The following USPL1 variants were observed in gnomAD, a reference collection of about 807,000 sequenced individuals.
USPL1 encodes the protein ubiquitin specific peptidase like 1.
In USPL1, 27 loss-of-function variants were observed where a neutral mutation model predicts 51.5. The ratio of observed to expected loss-of-function variants is 0.52; its 90% CI spans 0.39 to 0.72. USPL1 has a LOEUF of 0.72. Among genes scored for constraint, USPL1 ranks in the 30% least tolerant of loss-of-function variants. The pLI, the probability that USPL1 is intolerant of heterozygous loss-of-function variation, is 0.00. For missense variants in USPL1, 1,226 were observed against 1,268.0 expected (o/e 0.97, Z 0.50); for synonymous variants, 451 against 459.6 (o/e 0.98, Z 0.24).
In USPL1 at chr13:30,657,898, G is replaced by T; in HGVS notation, c.1821G>T (p.Leu607=). ...CACAGTTAAATTCTGAAGCTTTCCT[G>T]TTAGAAAATAAACCTGTAGCAGAAA... ...SVSQLNSEAF[L]LENKPVAENT... Residue 607 remains leucine (L), a synonymous_variant, in exon 9 of 9, where the codon CTG becomes CTT. Coordinates refer to ENST00000255304, the MANE Select transcript of USPL1 (RefSeq NM_005800.5). 6.2e-7 allele frequency: 1 copy of T among 1,613,964 alleles called. No homozygotes were observed. The highest frequency in any genetic ancestry group is 8.5e-7 in the Non-Finnish European group (1 of 1,180,010).
chr13:30,631,700 A>G (rs1221557319), intron 4 of USPL1, among the ~76,000 whole-genome samples: 1 of 152,172 alleles, frequency 6.6e-6, no homozygotes, highest in African/African-American at 2.4e-5. Context: ...TGTCTTGCCC[A>G]GGCTGGACTC....
chr13:30,620,963 A>G, intron 1 of USPL1, 110 bp from the exon 2 acceptor site: 1 of 521,570 alleles, frequency 1.9e-6, no homozygotes. Context: ...TTATTCTAGG[A>G]CATATAGCCC....
At chr13:30,622,589 C>T (rs574889380) in intron 3 of USPL1, among the ~76,000 whole-genome samples, 25 of 152,304 alleles carry the variant, frequency 1.6e-4, no homozygotes, top group African/African-American at 5.8e-4. Flanking sequence ...AGTGGCAGAG[C>T]TGTGGTTGGA....
chr13:30,648,386 G>A (rs1951045240), intron 7 of USPL1, among the ~76,000 whole-genome samples: 2 of 151,786 alleles, frequency 1.3e-5, no homozygotes, highest in African/African-American at 4.8e-5. Context: ...ACTCTTTGCT[G>A]CAGTCTGCGC....
Position 30,658,300 on chromosome 13 carries a change from A to G in USPL1, c.2223A>G (p.Ser741=), listed in dbSNP as rs17853510. The G allele has an allele frequency of 1.2e-6, 2 of 1,613,954 alleles. No homozygotes were observed. Among genetic ancestry groups the G allele is most frequent in the East Asian group, 2.2e-5 (1 of 44,886 alleles). The change falls in exon 9 of 9, where the codon TCA becomes TCG. Residue 741 remains serine (S), a synonymous_variant. Coordinates refer to ENST00000255304, the MANE Select transcript of USPL1 (RefSeq NM_005800.5). ...ATTCTCAAACCACAACATCTAAGTC[A>G]TTACAGAATCAGTCTCTGAAAGAAA... ...TADSQTTTSK[S]LQNQSLKENQ... is the part of the protein sequence containing the mutation.
chr13:30,639,072 C>T (rs1345585663), intron 5 of USPL1, among the ~76,000 whole-genome samples: 7 of 151,566 alleles, frequency 4.6e-5, no homozygotes, highest in South Asian at 2.1e-4. Context: ...AAAAATTAGC[C>T]GGGCGTGGTA....
intron 8 of USPL1, 143 bp from the exon 9 acceptor site, chr13:30,657,331 A>G (rs147324282): frequency 1.3e-5 from 11 of 837,204 alleles, no homozygotes; most frequent in Non-Finnish European, 1.8e-5. Context: ...ATGGCAGACA[A>G]TGGTGACAAG....
intron 5 of USPL1, 61 bp downstream of exon 5, chr13:30,637,918 C>T: frequency 2.5e-6 from 3 of 1,221,890 alleles, no homozygotes; most frequent in Non-Finnish European, 3.6e-6. Flanking sequence ...ATATGTACCT[C>T]ATAAGGAAAT....
rs371353807 is a variant in USPL1 at position 30,618,551 on chromosome 13, G to A, written c.-69+495G>A. Among the ~76,000 whole-genome samples the A allele has an allele frequency of 1.2e-4, 19 of 152,162 alleles. No homozygotes were observed. In the South Asian group the frequency reaches 1.5e-3, roughly 12 times the overall value. On this transcript the variant is annotated intron_variant, in intron 1 of 8. Coordinates refer to ENST00000255304, the MANE Select transcript of USPL1 (RefSeq NM_005800.5). ...TTTAAGGCCCCCTCTTCGAACAGCT[G>A]TTTCCCTGGGTTTCTCCATTTTGCA...
At chr13:30,641,366 C>T (rs977791913) in intron 5 of USPL1, among the ~76,000 whole-genome samples, 1 of 151,840 alleles carries the variant, frequency 6.6e-6, no homozygotes, top group Admixed American at 6.6e-5. Flanking sequence ...GGAAGTGAGG[C>T]TCTGTCCAGG....
At chr13:30,621,418 A>G (rs1220600648) in intron 2 of USPL1, among the ~76,000 whole-genome samples, 179 bp downstream of exon 2, 1 of 152,178 alleles carries the variant, frequency 6.6e-6, no homozygotes, top group Non-Finnish European at 1.5e-5. Flanking sequence ...TTATTGATAC[A>G]TGAAAGTGGA....
At position 30,622,150 on chromosome 13, in the gene USPL1, A is replaced by G. The variant is rs1447081317; in HGVS notation, c.228+258A>G. On this transcript the variant is annotated intron_variant, in intron 3 of 8. Transcript: ENST00000255304. ...TTCAAGGTTTTTTTCTTTTTTTTTAACCTTTTGGAGGTCCTTGTTAGCTAT... is the reference window on the plus strand; with the variant it reads ...TTCAAGGTTTTTTTCTTTTTTTTTAGCCTTTTGGAGGTCCTTGTTAGCTAT... Among the ~76,000 whole-genome samples, 4 of 151,502 alleles carry G rather than the reference A, an allele frequency of 2.6e-5. No individual in the cohort carries two copies. In the East Asian group the frequency reaches 7.8e-4, roughly 29 times the overall value.
rs2137735667 is a variant in USPL1 at position 30,658,720 on chromosome 13, G to A, written c.2643G>A (p.Val881=). 7 of 1,614,210 alleles carry A rather than the reference G, an allele frequency of 4.3e-6. No homozygotes were observed. The highest frequency in any genetic ancestry group is 5.9e-6 in the Non-Finnish European group (7 of 1,180,040). Residue 881 remains valine (V), a synonymous_variant, in exon 9 of 9, where the codon GTG becomes GTA. Transcript: ENST00000255304. ...GISSANHEDL[V]EGQIHKLRLK... ...CTTCAGCAAACCATGAAGACTTGGTGGAAGGTCAGATTCATAAACTTCGTC... is the reference window on the plus strand; with the variant it reads ...CTTCAGCAAACCATGAAGACTTGGTAGAAGGTCAGATTCATAAACTTCGTC...
At chr13:30,631,574 C>G in intron 4 of USPL1, 100 bp downstream of exon 4, 3 of 1,207,858 alleles carry the variant, frequency 2.5e-6, no homozygotes, top group Non-Finnish European at 3.4e-6. Context: ...GATCATGTCT[C>G]CTTGCAGCCT....
chr13:30,658,843 G>A lies in USPL1; in HGVS notation c.2766G>A (p.Gln922=), dbSNP rs1380310175. The change falls in exon 9 of 9, where the codon CAG becomes CAA. Residue 922 remains glutamine, a synonymous_variant. Coordinates refer to ENST00000255304, the MANE Select transcript of USPL1 (RefSeq NM_005800.5). ...SRTVRSENLE[Q]VPQDGSPNDC... is the part of the protein sequence containing the mutation. Reference sequence around the variant, plus strand: ...CAGTTCGAAGTGAAAATCTAGAACAGGTGCCCCAGGATGGGTCTCCAAATG... The same window carrying A: ...CAGTTCGAAGTGAAAATCTAGAACAAGTGCCCCAGGATGGGTCTCCAAATG... The A allele has an allele frequency of 6.2e-7, 1 of 1,613,948 alleles. No individual in the cohort carries two copies. The highest frequency in any genetic ancestry group is 8.5e-7 in the Non-Finnish European group (1 of 1,180,040).
chr13:30,629,230 A>G (rs1040077407), intron 3 of USPL1, among the ~76,000 whole-genome samples: 4 of 152,172 alleles, frequency 2.6e-5, no homozygotes, highest in African/African-American at 4.8e-5. Context: ...GTGGCTGGGC[A>G]TGGTGGCTCA....
Position 30,621,224 on chromosome 13 carries a change from G to C in USPL1, c.84G>C (p.Val28=), listed in dbSNP as rs1283661438. The change falls in exon 2 of 9, where the codon GTG becomes GTC. Residue 28 remains valine (V), a synonymous_variant. Transcript: ENST00000255304. ...TDIGISSLHM[V]GYLGKNFDSA... ...TAGGGATATCTTCACTCCACATGGT[G>C]GGGTATTTGGGAAAAGTTAGTGAAC... The C allele has an allele frequency of 6.3e-7, 1 of 1,589,244 alleles. No homozygotes were observed. Among genetic ancestry groups the C allele is most frequent in the South Asian group, 1.2e-5 (1 of 83,982 alleles).
At chr13:30,651,488 G>A (rs554778621) in intron 7 of USPL1, among the ~76,000 whole-genome samples, 1 of 152,300 alleles carries the variant, frequency 6.6e-6, no homozygotes, top group South Asian at 2.1e-4. Context: ...AATGTGTCAG[G>A]TGGTTTTACA....
chr13:30,653,177 T>A lies in USPL1; in HGVS notation c.1268T>A (p.Val423Glu), dbSNP rs746578214. 2 of 1,609,256 alleles carry A rather than the reference T, an allele frequency of 1.2e-6. No homozygotes were observed. Among genetic ancestry groups the A allele is most frequent in the African/African-American group, 2.7e-5 (2 of 74,824 alleles). The change falls in exon 8 of 9, where the codon GTA becomes GAA. Residue 423 changes from valine to glutamate, a missense_variant. Physicochemically the swap from Val to Glu is moderately radical, Grantham distance 121 (BLOSUM62 -2). Coordinates refer to ENST00000255304, the MANE Select transcript of USPL1 (RefSeq NM_005800.5). ...TCTCCCATATTCATGTTGCACTTTG[T>A]AGAAGGCTTACCACAGAATGACTTG... The part of the protein sequence containing the change: ...KVSPIFMLHF[V>E]EGLPQNDLQH...
Sources: gnomAD v4.1 joint callset for allele counts (sites outside exome capture counted in the v4.1 genomes callset) on GRCh38, gnomAD v4.1.1 for gene constraint, MANE v1.5 for transcripts, NCBI Gene and HGNC (gene_info 2026-07-23, HGNC 2026-07-21) for gene names.